The following ZBTB41 variants were observed in gnomAD, a reference collection of about 807,000 sequenced individuals.
The protein encoded by ZBTB41 is zinc finger and BTB domain containing 41.
ZBTB41 carries 42 observed loss-of-function variants against 87.6 expected under a neutral mutation model. The observed-to-expected ratio is 0.48, with a 90% CI of 0.37 to 0.62. The LOEUF (loss-of-function observed/expected upper bound fraction) is 0.62, where lower values mean the gene tolerates loss of function less well. ZBTB41 is among the 20% of genes least tolerant of loss of function. The pLI, the probability that ZBTB41 is intolerant of heterozygous loss-of-function variation, is 0.00. For missense variants in ZBTB41, 799 were observed against 1,078.9 expected (o/e 0.74, Z 3.63); for synonymous variants, 364 against 364.0 (o/e 1.00, Z 0.00).
rs1659272730 is a variant in ZBTB41 at position 197,164,653 on chromosome 1, A to G, written c.2075-4639T>C. Among the ~76,000 whole-genome samples, 3 of 145,740 alleles carry G rather than the reference A, an allele frequency of 2.1e-5. No homozygotes were observed. The South Asian group carries it at 6.4e-4, about 31-fold the overall frequency. ...ATAAAAGACCATTCAACAGAAAGAT[A>G]TGACTAATATATATCTAATACATAT... On this transcript the variant is annotated intron_variant, in intron 10 of 10. Transcript: ENST00000367405.
At chr1:197,164,861 A>G (rs186543187) in intron 10 of ZBTB41, among the ~76,000 whole-genome samples, 1,383 of 25,428 alleles carry the variant, frequency 0.054, 4 homozygotes, top group East Asian at 0.2. Flanking sequence ...TATATAATAC[A>G]TATCTAATAT....
At chr1:197,196,025 A>G (rs1660153771) in intron 2 of ZBTB41, among the ~76,000 whole-genome samples, 1 of 152,192 alleles carries the variant, frequency 6.6e-6, no homozygotes, top group African/African-American at 2.4e-5. Flanking sequence ...ACAAGCCCAA[A>G]GTCAAGCCAG....
intron 2 of ZBTB41, among the ~76,000 whole-genome samples, chr1:197,194,718 A>G (rs1328541611): frequency 1.3e-5 from 2 of 152,118 alleles, no homozygotes; most frequent in Non-Finnish European, 2.9e-5. Flanking sequence ...ACCATTTTAA[A>G]TAAATTCAGC....
chr1:197,193,278 C>T (rs1421033029), intron 2 of ZBTB41, among the ~76,000 whole-genome samples: 3 of 151,966 alleles, frequency 2.0e-5, no homozygotes, highest in African/African-American at 4.8e-5. Context: ...TGGCTCATGC[C>T]TGTAATCTCA....
intron 7 of ZBTB41, among the ~76,000 whole-genome samples, chr1:197,177,019 GT>G (rs1349743209): frequency 1.4e-4 from 21 of 152,068 alleles, no homozygotes; most frequent in Non-Finnish European, 2.1e-4. Context: ...AATATAAAAA[GT>G]AGGAGTAATC....
At chr1:197,179,427 C>G (rs1336252401) in intron 6 of ZBTB41, among the ~76,000 whole-genome samples, 3 of 151,926 alleles carry the variant, frequency 2.0e-5, no homozygotes, top group Non-Finnish European at 4.4e-5. Flanking sequence ...CAATTGTGTC[C>G]AGTACATAAT....
At chr1:197,179,877 G>GA (rs1659702204) in intron 6 of ZBTB41, among the ~76,000 whole-genome samples, 1 of 152,042 alleles carries the variant, frequency 6.6e-6, no homozygotes, top group African/African-American at 2.4e-5. Context: ...TAAGAAGGTT[G>GA]AAAAAATCAA....
intron 3 of ZBTB41, among the ~76,000 whole-genome samples, chr1:197,191,443 T>G (rs1380216067): frequency 8.6e-6 from 1 of 116,876 alleles, no homozygotes; most frequent in African/African-American, 3.3e-5. Context: ...GGCGACACAG[T>G]GAAGCCCTAC....
intron 10 of ZBTB41, 79 bp downstream of exon 10, chr1:197,172,081 G>T: frequency 3.8e-6 from 2 of 521,018 alleles, no homozygotes; most frequent in Non-Finnish European, 6.0e-6. Context: ...AAGTTTAAAT[G>T]CCTATATTTT....
chr1:197,190,691 ATTACT>A, intron 4 of ZBTB41, 66 bp downstream of exon 4: 1 of 896,154 alleles, frequency 1.1e-6, no homozygotes, highest in Non-Finnish European at 1.8e-6. Context: ...TTAAAACCTA[ATTACT>A]TTACTTCCCC....
intron 5 of ZBTB41, among the ~76,000 whole-genome samples, chr1:197,181,428 A>G (rs1659745538): frequency 1.3e-5 from 2 of 152,148 alleles, no homozygotes; most frequent in African/African-American, 4.8e-5. Context: ...AGTTTTTGGG[A>G]AAGCGGGTAA....
chr1:197,184,564 T>C (rs1463215204), intron 5 of ZBTB41, among the ~76,000 whole-genome samples: 3 of 152,160 alleles, frequency 2.0e-5, no homozygotes, highest in Non-Finnish European at 4.4e-5. Context: ...ATTTTCCAGA[T>C]CAATTCAAAA....
chr1:197,200,159 G>C lies in ZBTB41; in HGVS notation c.315C>G (p.Val105=). The part of the protein sequence containing the change: ...EGKEFSAHKV[V]VAVGSSYFHA... ...GAAAATAACTACTGCCGACAGCAAC[G>C]ACTACTTTATGTGCACTAAATTCTT... The change falls in exon 2 of 11, where the codon GTC becomes GTG. Residue 105 remains valine (V), a synonymous_variant. Transcript: ENST00000367405. 1 of 1,613,888 alleles carries C rather than the reference G, an allele frequency of 6.2e-7. No homozygotes were observed.
intron 2 of ZBTB41, among the ~76,000 whole-genome samples, chr1:197,193,214 C>T (rs944736251): frequency 1.3e-5 from 2 of 151,956 alleles, no homozygotes; most frequent in African/African-American, 4.8e-5. Flanking sequence ...CAAGTAAATA[C>T]GTTAACAAAT....
chr1:197,180,866 A>T, intron 6 of ZBTB41, 122 bp downstream of exon 6: 1 of 1,117,702 alleles, frequency 8.9e-7, no homozygotes, highest in Non-Finnish European at 1.2e-6. Flanking sequence ...CTTATATTTC[A>T]AACTAAAGCA....
rs1421333166 is a variant in ZBTB41, at chr1:197,170,901, C to T, written c.2074+1259G>A. 5.9e-5 allele frequency among the ~76,000 whole-genome samples: 9 copies of T among 152,098 alleles called. No homozygotes were observed. In the East Asian group the frequency reaches 1.7e-3, roughly 29 times the overall value. ...TTTTTCCCTCTCATTTCATAATAGC[C>T]ATAGTCTTTGTCTTATTCCATCATA... On this transcript the variant is annotated intron_variant, in intron 10 of 10. Coordinates refer to ENST00000367405, the MANE Select transcript of ZBTB41 (RefSeq NM_194314.3).
intron 2 of ZBTB41, among the ~76,000 whole-genome samples, chr1:197,195,426 A>G (rs907822707): frequency 1.3e-5 from 2 of 152,206 alleles, no homozygotes; most frequent in African/African-American, 4.8e-5. Flanking sequence ...TCACCAGATG[A>G]GTTCATTATA....
rs1475202793 is a variant in ZBTB41, at chr1:197,188,418, G to A, written c.1420C>T (p.Arg474Ter). The change falls in exon 5 of 11, where the codon CGA becomes TGA. Residue 474 changes from arginine to a stop codon, truncating the protein, a stop_gained. Transcript: ENST00000367405. LOFTEE classifies it high-confidence loss of function. ...ATATGTTCCTCCAAGTGTGGTCTTC[G>A]AGTAAAAGATTTCTTACAAATCTAA... ...KCDICKKSFT[R>*]RPHLEEHMIL... 3 of 1,603,204 alleles carry A rather than the reference G, an allele frequency of 1.9e-6. No individual in the cohort carries two copies. Among genetic ancestry groups the A allele is most frequent in the Non-Finnish European group, 2.5e-6 (3 of 1,177,026 alleles).
intron 5 of ZBTB41, among the ~76,000 whole-genome samples, chr1:197,183,363 T>A (rs937146511): frequency 1.3e-5 from 2 of 152,188 alleles, no homozygotes; most frequent in African/African-American, 2.4e-5. Context: ...AAACTGGAAG[T>A]CTGAGAGGCT....
Sources: allele counts gnomAD v4.1 joint callset (sites outside exome capture counted in the v4.1 genomes callset), GRCh38; gene constraint gnomAD v4.1.1; transcripts MANE v1.5; gene names NCBI Gene and HGNC (gene_info 2026-07-23, HGNC 2026-07-21).